Variants in CLCN3 observed in about 807,000 individuals in gnomAD.
The protein encoded by CLCN3 is Cl-/H+ antiporter 3, also known as H(+)/Cl(-) exchange transporter 3.
CLCN3 carries 16 observed loss-of-function variants against 83.4 expected under a neutral mutation model. The observed-to-expected ratio is 0.19, with a 90% CI of 0.13 to 0.29. CLCN3 has a LOEUF of 0.29. Ranked by LOEUF, CLCN3 falls within the 10% of genes least tolerant of loss-of-function variation. The pLI is 1.00. For synonymous variants in CLCN3, 322 were observed against 346.2 expected (o/e 0.93, Z 0.78); for missense variants, 544 against 1,006.0 (o/e 0.54, Z 6.21).
intron 5 of CLCN3, among the ~76,000 whole-genome samples, chr4:169,689,684 G>T (rs1470033795): frequency 1.3e-5 from 2 of 152,134 alleles, no homozygotes; most frequent in Admixed American, 6.5e-5. Context: ...GATTTACTAT[G>T]ATCTACAAAG....
At chr4:169,644,691 A>C (rs531697036) in intron 2 of CLCN3, among the ~76,000 whole-genome samples, 1 of 151,690 alleles carries the variant, frequency 6.6e-6, no homozygotes, top group African/African-American at 2.4e-5. Context: ...AATAATGGCC[A>C]TCCCCACACC....
At chr4:169,647,367 G>A (rs1033785111) in intron 2 of CLCN3, among the ~76,000 whole-genome samples, 2 of 152,052 alleles carry the variant, frequency 1.3e-5, no homozygotes, top group African/African-American at 4.8e-5. Flanking sequence ...TCCAGCCTGG[G>A]TGACAGAGCA....
At chr4:169,632,193 G>C (rs896476321) in intron 1 of CLCN3, among the ~76,000 whole-genome samples, 2 of 114,438 alleles carry the variant, frequency 1.7e-5, no homozygotes, top group East Asian at 4.8e-4. Flanking sequence ...AAAGAGAAGA[G>C]GGTATGATCC....
chr4:169,719,817 C>A (rs1264417435), intron 12 of CLCN3, 90 bp from the exon 13 acceptor site: 11 of 1,011,208 alleles, frequency 1.1e-5, no homozygotes, highest in Non-Finnish European at 1.6e-5. Flanking sequence ...TTGCTCTATT[C>A]CTGTCAACAA....
At chr4:169,675,654 T>C (rs1731646623) in intron 2 of CLCN3, among the ~76,000 whole-genome samples, 1 of 152,228 alleles carries the variant, frequency 6.6e-6, no homozygotes, top group Admixed American at 6.5e-5. Context: ...TAATCACTTA[T>C]GCTAAAATCA....
chr4:169,690,751 A>G (rs1732335728), intron 6 of CLCN3, 99 bp downstream of exon 6: 10 of 1,182,098 alleles, frequency 8.5e-6, no homozygotes, highest in Non-Finnish European at 1.2e-5. Context: ...GGGAGGGGAT[A>G]GTTTGTTCAT....
chr4:169,693,876 A>T (rs892035904), intron 7 of CLCN3, among the ~76,000 whole-genome samples: 1 of 152,216 alleles, frequency 6.6e-6, no homozygotes, highest in Non-Finnish European at 1.5e-5. Context: ...ACCTTAGTGT[A>T]TATATAAATG....
At chr4:169,626,236 T>C (rs1773231207) in intron 1 of CLCN3, among the ~76,000 whole-genome samples, 1 of 152,202 alleles carries the variant, frequency 6.6e-6, no homozygotes, top group Non-Finnish European at 1.5e-5. Flanking sequence ...GATGAACAGA[T>C]GCATAGGGGG....
chr4:169,681,387 T>C (rs374769491), intron 3 of CLCN3, among the ~76,000 whole-genome samples: 15 of 152,232 alleles, frequency 9.9e-5, no homozygotes, highest in Middle Eastern at 3.2e-3. Flanking sequence ...AATTTACTTG[T>C]CAATGAAAAT....
At chr4:169,645,893 C>A (rs771900124) in intron 2 of CLCN3, among the ~76,000 whole-genome samples, 2 of 152,052 alleles carry the variant, frequency 1.3e-5, no homozygotes, top group African/African-American at 2.4e-5. Flanking sequence ...CTGTATTTGT[C>A]TTACTTGTTT....
chr4:169,695,786 G>A (rs1026547930), intron 8 of CLCN3, 94 bp downstream of exon 8: 37 of 748,094 alleles, frequency 4.9e-5, no homozygotes, highest in Non-Finnish European at 1.9e-5. Flanking sequence ...GTAATAGGTA[G>A]AGACTTTGTT....
At chr4:169,676,557 G>A (rs1285460843) in intron 2 of CLCN3, among the ~76,000 whole-genome samples, 2 of 149,750 alleles carry the variant, frequency 1.3e-5, no homozygotes, top group Non-Finnish European at 3.0e-5. Context: ...CGGTTGAAAT[G>A]CAGTGGCACG....
At chr4:169,660,751 C>A (rs991772346) in intron 2 of CLCN3, among the ~76,000 whole-genome samples, 1 of 152,126 alleles carries the variant, frequency 6.6e-6, no homozygotes, top group Admixed American at 6.6e-5. Context: ...CAACTAAAGT[C>A]GTGTTGGTTG....
At chr4:169,690,136 T>TC (rs1491570207) in intron 5 of CLCN3, among the ~76,000 whole-genome samples, 1 of 92,270 alleles carries the variant, frequency 1.1e-5, no homozygotes, top group Non-Finnish European at 2.1e-5. Context: ...TTCTTTTCTT[T>TC]CTTTTTTTTT....
intron 2 of CLCN3, among the ~76,000 whole-genome samples, chr4:169,659,714 ATAGAG>A (rs1366811730): frequency 4.0e-5 from 6 of 151,558 alleles, no homozygotes; most frequent in African/African-American, 7.3e-5. Flanking sequence ...CTGCTGTATT[ATAGAG>A]TATTTTTTTT....
intron 2 of CLCN3, among the ~76,000 whole-genome samples, chr4:169,662,131 T>A (rs775648184): frequency 6.6e-6 from 1 of 152,132 alleles, no homozygotes; most frequent in Admixed American, 6.5e-5. Context: ...TCAAAACTTA[T>A]GTGAGAGTAG....
At chr4:169,647,466 A>G (rs1429634711) in intron 2 of CLCN3, among the ~76,000 whole-genome samples, 1 of 152,166 alleles carries the variant, frequency 6.6e-6, no homozygotes, top group Non-Finnish European at 1.5e-5. Context: ...GGCAGAGTCT[A>G]GGACTGAGAG....
At chr4:169,711,060 C>G (rs1335381787) in intron 11 of CLCN3, among the ~76,000 whole-genome samples, 1 of 152,142 alleles carries the variant, frequency 6.6e-6, no homozygotes, top group African/African-American at 2.4e-5. Context: ...TTTACAAACC[C>G]TATTGCAGTT....
In CLCN3 at chr4:169,685,368, C is replaced by A. The variant is rs141344072; in HGVS notation, c.319-2290C>A. Among the ~76,000 whole-genome samples, 79 of 152,194 alleles carry A rather than the reference C, an allele frequency of 5.2e-4. No homozygotes were observed. In the East Asian group the frequency reaches 0.014, roughly 26 times the overall value. On this transcript the variant is annotated intron_variant, in intron 3 of 12. Transcript: ENST00000513761. ...AAGAAGTCTAGTTTCTATCTCTGTC[C>A]CATCCAACCCATTGTCTTCTTCCCC...
Sources: gnomAD v4.1 joint callset for allele counts (sites outside exome capture counted in the v4.1 genomes callset) on GRCh38, gnomAD v4.1.1 for gene constraint, MANE v1.5 for transcripts, NCBI Gene and HGNC (gene_info 2026-07-23, HGNC 2026-07-21) for gene names.